The following NEIL3 variants were observed in gnomAD, a reference collection of about 807,000 sequenced individuals.
NEIL3 encodes the protein nei like DNA glycosylase 3, also known as endonuclease 8-like 3.
Under a neutral mutation model 57.5 loss-of-function variants are expected in NEIL3, and 48 were observed. That is an observed-to-expected ratio of 0.83 (90% confidence interval 0.66 to 1.06). The LOEUF (loss-of-function observed/expected upper bound fraction) is 1.06. NEIL3 is among the 50% of genes least tolerant of loss of function. The probability of loss-of-function intolerance (pLI) is 0.00; values close to 1 mark genes in which losing one functional copy is unlikely to be tolerated. For synonymous variants in NEIL3, 261 were observed against 253.2 expected (o/e 1.03, Z -0.29); for missense variants, 717 against 739.1 (o/e 0.97, Z 0.35).
chr4:177,327,221 A>G (rs1024194448), intron 2 of NEIL3, among the ~76,000 whole-genome samples: 1 of 152,156 alleles, frequency 6.6e-6, no homozygotes, highest in Non-Finnish European at 1.5e-5. Context: ...CTGCGAGTCA[A>G]TTAAGCCTCT....
Position 177,360,660 on chromosome 4 carries a change from C to T in NEIL3, c.1618C>T (p.Gln540Ter), listed in dbSNP as rs1273802111. Residue 540 changes from glutamine (Q) to a stop codon, truncating the protein, a stop_gained, in exon 9 of 10, where the codon CAA (glutamine) becomes TAA (stop). Coordinates refer to ENST00000264596, the MANE Select transcript of NEIL3 (RefSeq NM_018248.3). LOFTEE classifies it high-confidence loss of function. ...FYACPLPREAQCGFFEWADLS... is the reference protein window; with the variant it reads ...FYACPLPREA The stretch of plus-strand genomic sequence containing the variant: ...TGCCTGTCCTCTACCTAGAGAAGCA[C>T]AATGTGGATTTTTTGAAGTATGTGT... The T allele has an allele frequency of 2.5e-6, 4 of 1,607,300 alleles. No homozygotes were observed. Among genetic ancestry groups the T allele is most frequent in the Non-Finnish European group, 2.5e-6 (3 of 1,176,748 alleles).
chr4:177,350,749 A>T (rs780716891), intron 6 of NEIL3, among the ~76,000 whole-genome samples: 3 of 152,182 alleles, frequency 2.0e-5, no homozygotes, highest in African/African-American at 4.8e-5. Flanking sequence ...TTGGGAAAAA[A>T]GTACCAATTA....
At chr4:177,364,104 AC>A (rs1735660434), downstream of NEIL3, among the ~76,000 whole-genome samples, 1 of 152,190 alleles carries the variant, frequency 6.6e-6, no homozygotes, top group Admixed American at 6.5e-5. Context: ...TCAAACAAGA[AC>A]AAAAACAAGT....
chr4:177,331,516 ACTTT>A (rs1734884228), intron 2 of NEIL3, among the ~76,000 whole-genome samples: 1 of 152,106 alleles, frequency 6.6e-6, no homozygotes, highest in Admixed American at 6.5e-5. Context: ...ATTTAACATT[ACTTT>A]TAAATCACCT....
intron 7 of NEIL3, among the ~76,000 whole-genome samples, 156 bp from the exon 8 acceptor site, chr4:177,353,152 T>G (rs1478517415): frequency 6.6e-6 from 1 of 152,234 alleles, no homozygotes; most frequent in East Asian, 1.9e-4. Flanking sequence ...GATGATTAAT[T>G]CTGACTTGTC....
intron 1 of NEIL3, among the ~76,000 whole-genome samples, chr4:177,318,068 A>C (rs535659221): frequency 1.3e-5 from 2 of 152,306 alleles, no homozygotes; most frequent in East Asian, 3.9e-4. Flanking sequence ...CGTTCTTTTC[A>C]TAAACTGTAC....
At chr4:177,317,895 G>GCAA (rs1734605516) in intron 1 of NEIL3, among the ~76,000 whole-genome samples, 1 of 152,082 alleles carries the variant, frequency 6.6e-6, no homozygotes, top group East Asian at 1.9e-4. Flanking sequence ...TGGCCACCAT[G>GCAA]GTTAGAACTT....
intron 6 of NEIL3, among the ~76,000 whole-genome samples, chr4:177,347,393 C>A (rs77233922): frequency 0.027 from 4,184 of 152,156 alleles, 150 homozygotes; most frequent in African/African-American, 0.082. Flanking sequence ...TCTGAGTAGA[C>A]TGGGGAGCCT....
intron 8 of NEIL3, among the ~76,000 whole-genome samples, chr4:177,359,362 A>G (rs1422455323): frequency 6.6e-6 from 1 of 152,220 alleles, no homozygotes; most frequent in Non-Finnish European, 1.5e-5. Context: ...AAAGCAGTAT[A>G]TTTAAGCATC....
rs766502360 is a variant in NEIL3, at chr4:177,351,383, G to A, written c.873G>A (p.Lys291=). 2.5e-6 allele frequency: 4 copies of A among 1,601,690 alleles called. No homozygotes were observed. The African/African-American group carries it at 4.0e-5, about 16-fold the overall frequency. ...KENPQHVDIC[K]LPTRNTIISW... is the part of the protein sequence containing the mutation. ...AATTTTAAAAATTATCTTATAGCAA[G>A]CTACCGACTAGAAATACTATAATCA... The change falls in exon 7 of 10, where the codon AAG becomes AAA. Residue 291 remains lysine, a synonymous_variant. Transcript: ENST00000264596.
At chr4:177,332,456 G>A (rs1578993828) in intron 2 of NEIL3, among the ~76,000 whole-genome samples, 1 of 152,184 alleles carries the variant, frequency 6.6e-6, no homozygotes, top group Non-Finnish European at 1.5e-5. Context: ...GGCAGAGGAA[G>A]TTTCCTGTTC....
downstream of NEIL3, among the ~76,000 whole-genome samples, chr4:177,364,677 C>G (rs1735669408): frequency 6.6e-6 from 1 of 152,140 alleles, no homozygotes; most frequent in Admixed American, 6.6e-5. Flanking sequence ...CACCTGTAAT[C>G]CCAGCACTGT....
At chr4:177,338,024 TCA>T (rs35763650) in intron 4 of NEIL3, among the ~76,000 whole-genome samples, 58 of 149,422 alleles carry the variant, frequency 3.9e-4, no homozygotes, top group South Asian at 8.5e-4. Flanking sequence ...TCTCTCTCTC[TCA>T]CACACACACA....
At chr4:177,351,236 A>G (rs1376833062) in intron 6 of NEIL3, 144 bp from the exon 7 acceptor site, 1 of 275,936 alleles carries the variant, frequency 3.6e-6, no homozygotes, top group Non-Finnish European at 6.5e-6. Flanking sequence ...AAAAAAAAAA[A>G]AAGACTCTAA....
chr4:177,341,689 C>G (rs2110913523), intron 6 of NEIL3, 47 bp downstream of exon 6: 1 of 1,473,208 alleles, frequency 6.8e-7, no homozygotes, highest in East Asian at 2.3e-5. Context: ...AACCATCTAA[C>G]TAAAAGGCTA....
downstream of NEIL3, among the ~76,000 whole-genome samples, chr4:177,363,670 CG>C (rs1735652433): frequency 6.6e-6 from 1 of 152,120 alleles, no homozygotes; most frequent in Non-Finnish European, 1.5e-5. Context: ...GTTAATTACA[CG>C]GAAATGTAAG....
intron 6 of NEIL3, among the ~76,000 whole-genome samples, chr4:177,347,374 A>G (rs1030144860): frequency 2.6e-5 from 4 of 152,162 alleles, no homozygotes; most frequent in Non-Finnish European, 5.9e-5. Flanking sequence ...GGCTTGGCCA[A>G]GGCAAGTTTC....
At chr4:177,328,215 G>A (rs1167834055) in intron 2 of NEIL3, among the ~76,000 whole-genome samples, 10 of 152,190 alleles carry the variant, frequency 6.6e-5, no homozygotes, top group Non-Finnish European at 1.2e-4. Context: ...AATTGTGCAG[G>A]ATTAACAAAG....
chr4:177,361,772 T>A (rs547159067), intron 9 of NEIL3, among the ~76,000 whole-genome samples: 1 of 152,146 alleles, frequency 6.6e-6, no homozygotes, highest in South Asian at 2.1e-4. Flanking sequence ...AAATCTTTGA[T>A]CTTACAGGGT....
Sources: gnomAD v4.1 joint callset for allele counts (sites outside exome capture counted in the v4.1 genomes callset) on GRCh38, gnomAD v4.1.1 for gene constraint, MANE v1.5 for transcripts, NCBI Gene and HGNC (gene_info 2026-07-23, HGNC 2026-07-21) for gene names.